MROH9: variants seen among roughly 807,000 people sequenced by gnomAD.
MROH9 encodes maestro heat-like repeat-containing protein family member 9.
A neutral mutation model predicts 98.2 loss-of-function variants in MROH9; 92 were observed. The ratio of observed to expected loss-of-function variants is 0.94; its 90% CI spans 0.79 to 1.11. MROH9 has a LOEUF of 1.11. Ranked by LOEUF, MROH9 falls within the 50% of genes most tolerant of loss-of-function variation. The probability of loss-of-function intolerance (pLI) is 0.00; values close to 1 mark genes in which losing one functional copy is unlikely to be tolerated. For synonymous variants in MROH9, 397 were observed against 368.9 expected, an observed-to-expected ratio of 1.08 and a Z score of -0.87; for missense variants, 1,057 against 1,014.8, an observed-to-expected ratio of 1.04 and a Z score of -0.57.
In MROH9 at chr1:170,989,947, C is replaced by T. The variant is rs28634500; in HGVS notation, c.972C>T (p.Cys324=). The T allele has an allele frequency of 0.21, 335,273 of 1,610,390 alleles. 38,600 individuals carry two copies. Among genetic ancestry groups the T allele is most frequent in the African/African-American group, 0.42 (31,665 of 74,774 alleles). The change falls in exon 11 of 22, where the codon TGC becomes TGT. Residue 324 remains cysteine (C), a synonymous_variant. Coordinates refer to ENST00000367759, the MANE Select transcript of MROH9 (RefSeq NM_001163629.2). ...VMLQVITLLT[C]TSPKKVIFQL... The stretch of plus-strand genomic sequence containing the variant: ...TGCAGGTTATCACTTTGTTGACATG[C>T]ACTTCACCCAAGAAGGTCATCTTTC...
chr1:170,997,688 A>G lies in MROH9; in HGVS notation c.1476-466A>G, dbSNP rs1385660327. 2.0e-5 allele frequency among the ~76,000 whole-genome samples: 3 copies of G among 152,148 alleles called. No individual in the cohort carries two copies. The East Asian group carries it at 5.8e-4, about 29-fold the overall frequency. On this transcript the variant is annotated intron_variant, in intron 14 of 21. Coordinates refer to ENST00000367759, the MANE Select transcript of MROH9 (RefSeq NM_001163629.2). ...TGTCCACCACCCAAGTGTGTTCTGG[A>G]GAATGGCATAGTGAATCAGAGCTCA...
chr1:170,996,928 G>T (rs1367068888), intron 14 of MROH9, among the ~76,000 whole-genome samples: 1 of 152,010 alleles, frequency 6.6e-6, no homozygotes, highest in Non-Finnish European at 1.5e-5. Flanking sequence ...AACTAGAAGT[G>T]AGTTTGGTTT....
intron 12 of MROH9, among the ~76,000 whole-genome samples, chr1:170,993,578 G>A (rs182819709): frequency 1.2e-4 from 19 of 152,272 alleles, no homozygotes; most frequent in Admixed American, 7.2e-4. Flanking sequence ...CATCATAAAA[G>A]CATGGCACAG....
intron 20 of MROH9, among the ~76,000 whole-genome samples, chr1:171,041,481 C>T (rs1031355595): frequency 6.7e-6 from 1 of 149,092 alleles, no homozygotes; most frequent in African/African-American, 2.4e-5. Context: ...CTGATGGTAA[C>T]TTATGTTGAT....
At chr1:170,961,071 AAGT>A (rs1211542142) in intron 5 of MROH9, among the ~76,000 whole-genome samples, 2 of 152,244 alleles carry the variant, frequency 1.3e-5, no homozygotes, top group East Asian at 3.8e-4. Flanking sequence ...AGATAGTAGT[AAGT>A]AGCAGCACTT....
chr1:170,955,466 T>C (rs1455761298), intron 3 of MROH9, among the ~76,000 whole-genome samples: 1 of 152,194 alleles, frequency 6.6e-6, no homozygotes, highest in African/African-American at 2.4e-5. Flanking sequence ...GATCACCACA[T>C]CCATGCCAAC....
intron 15 of MROH9, among the ~76,000 whole-genome samples, chr1:171,007,374 T>A (rs112196432): frequency 0.013 from 2,020 of 152,272 alleles, 52 homozygotes; most frequent in African/African-American, 0.046. Context: ...AGTACACAGA[T>A]GGGTGTAGCT....
intron 8 of MROH9, among the ~76,000 whole-genome samples, chr1:170,973,292 A>G (rs1307125470): frequency 1.3e-5 from 2 of 152,202 alleles, no homozygotes; most frequent in African/African-American, 4.8e-5. Context: ...TCAGTGCTCA[A>G]CAAAGGCTAG....
intron 17 of MROH9, among the ~76,000 whole-genome samples, chr1:171,019,411 T>C (rs747813524): frequency 3.3e-5 from 5 of 152,056 alleles, no homozygotes; most frequent in Non-Finnish European, 7.4e-5. Context: ...CCCAGCACTT[T>C]GGAAGGCTGA....
intron 6 of MROH9, among the ~76,000 whole-genome samples, chr1:170,962,487 A>G (rs981048641): frequency 6.6e-6 from 1 of 152,136 alleles, no homozygotes; most frequent in Non-Finnish European, 1.5e-5. Flanking sequence ...TCCCAACCAG[A>G]GACAGAAGAC....
At chr1:171,012,657 C>T (rs1408057511) in intron 15 of MROH9, among the ~76,000 whole-genome samples, 2 of 152,050 alleles carry the variant, frequency 1.3e-5, no homozygotes, top group South Asian at 4.2e-4. Context: ...TGCCTGCCAC[C>T]ACGCCTGGCT....
At chr1:171,056,207 C>A (rs1653832587) in intron 20 of MROH9, among the ~76,000 whole-genome samples, 1 of 152,196 alleles carries the variant, frequency 6.6e-6, no homozygotes, top group Admixed American at 6.5e-5. Flanking sequence ...CAGCAGCCAG[C>A]ACTGGGACTC....
intron 10 of MROH9, among the ~76,000 whole-genome samples, 157 bp downstream of exon 10, chr1:170,986,867 T>TA (rs1329637690): frequency 6.6e-6 from 1 of 152,158 alleles, no homozygotes; most frequent in African/African-American, 2.4e-5. Flanking sequence ...AAATTTTACT[T>TA]AGAGACAGGG....
At chr1:170,937,261 TA>T (rs1231348758) in intron 1 of MROH9, among the ~76,000 whole-genome samples, 1 of 152,220 alleles carries the variant, frequency 6.6e-6, no homozygotes, top group Non-Finnish European at 1.5e-5. Context: ...GAGGAGGAGA[TA>T]AAGTCCTTCA....
chr1:171,018,407 C>T (rs1652401445), intron 17 of MROH9, among the ~76,000 whole-genome samples: 1 of 151,370 alleles, frequency 6.6e-6, no homozygotes, highest in Non-Finnish European at 1.5e-5. Flanking sequence ...TGTCAGCAGC[C>T]TCAAAGATCA....
intron 20 of MROH9, among the ~76,000 whole-genome samples, chr1:171,055,451 T>A (rs1033078067): frequency 2.0e-5 from 3 of 151,714 alleles, no homozygotes; most frequent in African/African-American, 7.3e-5. Context: ...TGAAACCCCG[T>A]CTCTACTAAA....
intron 3 of MROH9, among the ~76,000 whole-genome samples, chr1:170,948,339 C>T (rs1459597918): frequency 6.6e-6 from 1 of 152,046 alleles, no homozygotes; most frequent in East Asian, 1.9e-4. Context: ...ATCCATAGGT[C>T]GAAGTCGCTG....
chr1:171,032,513 C>T (rs1010960451), intron 20 of MROH9, among the ~76,000 whole-genome samples: 2 of 152,028 alleles, frequency 1.3e-5, no homozygotes, highest in South Asian at 2.1e-4. Flanking sequence ...GTTTTTCTTG[C>T]AATGGTAAAG....
At chr1:171,003,882 A>T (rs9426923) in intron 15 of MROH9, among the ~76,000 whole-genome samples, 34,718 of 151,662 alleles carry the variant, frequency 0.23, 4,617 homozygotes, top group African/African-American at 0.37. Context: ...GCTAGGTGTG[A>T]CTGAGCTCAG....
Sources: allele counts gnomAD v4.1 joint callset (sites outside exome capture counted in the v4.1 genomes callset), GRCh38; gene constraint gnomAD v4.1.1; transcripts MANE v1.5; gene names NCBI Gene and HGNC (gene_info 2026-07-23, HGNC 2026-07-21).